EPS8L3: variants seen among roughly 807,000 people sequenced by gnomAD.
EPS8L3 encodes epidermal growth factor receptor kinase substrate 8-like protein 3.
Under a neutral mutation model 88.5 loss-of-function variants are expected in EPS8L3, and 80 were observed. That is an observed-to-expected ratio of 0.90 (90% CI 0.75 to 1.09). EPS8L3 has a LOEUF of 1.09. EPS8L3 is among the 50% of genes least tolerant of loss of function. EPS8L3 has a pLI of 0.00. For synonymous variants in EPS8L3, 286 were observed against 291.0 expected (o/e 0.98, Z 0.18); for missense variants, 721 against 735.2 (o/e 0.98, Z 0.22).
chr1:109,759,668 G>T lies in EPS8L3; in HGVS notation c.255+10C>A. 1 of 1,612,724 alleles carries T rather than the reference G, an allele frequency of 6.2e-7. No homozygotes were observed. Among genetic ancestry groups the T allele is most frequent in the East Asian group, 2.2e-5 (1 of 44,882 alleles). ...GGCTGGCTATCACTGGGTTTGCTGGGAAGGCTGACCTTGGTCTCAATGTCC... is the reference window on the plus strand; with the variant it reads ...GGCTGGCTATCACTGGGTTTGCTGGTAAGGCTGACCTTGGTCTCAATGTCC... On this transcript the variant is annotated intron_variant, in intron 4 of 18. Transcript: ENST00000361965. The surrounding 1 kb of genome is among the most constrained non-coding windows in gnomAD (Gnocchi z 4.2).
intron 12 of EPS8L3, among the ~76,000 whole-genome samples, chr1:109,756,543 GT>G (rs35362437): frequency 6.6e-6 from 1 of 152,018 alleles, no homozygotes; most frequent in Non-Finnish European, 1.5e-5. Context: ...GCCCTGTTAG[GT>G]TTTTTTGTCC....
chr1:109,753,091 AG>A (rs1191396001), intron 13 of EPS8L3, 25 bp downstream of exon 13: 1 of 1,588,050 alleles, frequency 6.3e-7, no homozygotes, highest in Non-Finnish European at 8.6e-7. Context: ...GGCTGTGGGT[AG>A]GGCTCTATGC....
chr1:109,752,657 A>G, intron 14 of EPS8L3, 29 bp downstream of exon 14: 6 of 1,548,078 alleles, frequency 3.9e-6, no homozygotes, highest in Non-Finnish European at 5.2e-6. Flanking sequence ...CCCCAGGACC[A>G]CGCAGTCCCT....
intron 3 of EPS8L3, 28 bp downstream of exon 3, chr1:109,761,467 A>G (rs1225630788): frequency 7.5e-6 from 12 of 1,592,446 alleles, no homozygotes; most frequent in East Asian, 2.3e-5. Context: ...TTAGTTGGAC[A>G]CTGCCCGGGG....
Position 109,761,517 on chromosome 1 carries a change from G to T in EPS8L3, c.74C>A (p.Thr25Asn). The change falls in exon 3 of 19, where the codon ACC (threonine) becomes AAC (asparagine). Residue 25 changes from threonine (T) to asparagine (N), a missense_variant. Transcript: ENST00000361965. ...EYSQNLTSEP[T>N]LLQHRVEHLM... ...CACCTCCACCCTGTGCTGCAGGAGG[G>T]TGGGCTCTGAGGTGAGGTTCTGGGA... 1.2e-6 allele frequency: 2 copies of T among 1,613,372 alleles called. No individual in the cohort carries two copies. Among genetic ancestry groups the T allele is most frequent in the Non-Finnish European group, 1.7e-6 (2 of 1,179,554 alleles).
At chr1:109,751,396 AG>A (rs765125589) in intron 16 of EPS8L3, 45 bp from the exon 17 acceptor site, 2 of 1,567,968 alleles carry the variant, frequency 1.3e-6, no homozygotes, top group Non-Finnish European at 1.8e-6. Context: ...CTCATCTCAC[AG>A]CCAACCACAG....
At chr1:109,755,378 G>A (rs540310204) in intron 12 of EPS8L3, among the ~76,000 whole-genome samples, 1 of 152,146 alleles carries the variant, frequency 6.6e-6, no homozygotes, top group South Asian at 2.1e-4. Context: ...CACTTAAAAC[G>A]GTTAAAATGA....
At position 109,757,545 on chromosome 1, in the gene EPS8L3, G is replaced by A. The variant is rs1472229946; in HGVS notation, c.905C>T (p.Ala302Val). ...KHSFNLLGRL[A>V]TWLKETSAPE... is the part of the protein sequence containing the mutation. ...GGCACTTGTCTCCTTCAGCCAGGTGGCCAGCCTTCCCTGGGGACACAGAGC... is the reference window on the plus strand; with the variant it reads ...GGCACTTGTCTCCTTCAGCCAGGTGACCAGCCTTCCCTGGGGACACAGAGC... Residue 302 changes from alanine (A) to valine (V), a missense_variant, in exon 11 of 19, where the codon GCC (alanine) becomes GTC (valine). By Grantham distance (64) the Ala-to-Val change is moderately conservative. Coordinates refer to ENST00000361965, the MANE Select transcript of EPS8L3 (RefSeq NM_133181.4). 1 of 1,613,838 alleles carries A rather than the reference G, an allele frequency of 6.2e-7. No homozygotes were observed. Among genetic ancestry groups the A allele is most frequent in the Non-Finnish European group, 8.5e-7 (1 of 1,179,834 alleles).
intron 10 of EPS8L3, 52 bp downstream of exon 10, chr1:109,757,750 G>A (rs1650430446): frequency 6.4e-7 from 1 of 1,562,530 alleles, no homozygotes; most frequent in African/African-American, 1.4e-5. Flanking sequence ...GAGGATTACT[G>A]GGGAGGAAGG....
At chr1:109,762,299 G>T (rs1336222201) in intron 1 of EPS8L3, among the ~76,000 whole-genome samples, 1 of 152,112 alleles carries the variant, frequency 6.6e-6, no homozygotes, top group African/African-American at 2.4e-5. Flanking sequence ...TGTACTTATG[G>T]TGGCACTGCA....
At chr1:109,753,437 G>A (rs928869891) in intron 12 of EPS8L3, among the ~76,000 whole-genome samples, 1 of 152,202 alleles carries the variant, frequency 6.6e-6, no homozygotes, top group African/African-American at 2.4e-5. Context: ...TGCCCATGAG[G>A]TAAAGATACA....
At chr1:109,762,143 G>A (rs2101543472) in intron 1 of EPS8L3, among the ~76,000 whole-genome samples, 1 of 152,282 alleles carries the variant, frequency 6.6e-6, no homozygotes, top group South Asian at 2.1e-4. Flanking sequence ...GGGTATGAAA[G>A]ATGCTGGATG....
chr1:109,759,768 G>A lies in EPS8L3; in HGVS notation c.165C>T (p.Phe55=), dbSNP rs1451563967. 9.3e-6 allele frequency: 15 copies of A among 1,614,112 alleles called. 1 individual carries two copies. The Admixed American group carries it at 1.2e-4, about 13-fold the overall frequency. Residue 55 remains phenylalanine (F), a synonymous_variant, in exon 4 of 19, where the codon TTC becomes TTT. Coordinates refer to ENST00000361965, the MANE Select transcript of EPS8L3 (RefSeq NM_133181.4). This position sits in a 1 kb window ranked among gnomAD's most constrained non-coding sequence, Gnocchi z 4.2. ...ACACCCGGCCCTGTGCATCCATCTCGAACAGCTTCTGCAAGGCATCCTCGG... is the reference window on the plus strand; with the variant it reads ...ACACCCGGCCCTGTGCATCCATCTCAAACAGCTTCTGCAAGGCATCCTCGG... ...QGPEDALQKL[F]EMDAQGRVWS...
Position 109,750,766 on chromosome 1 carries a change from G to A in EPS8L3, c.1664C>T (p.Thr555Met), listed in dbSNP as rs145677992. Residue 555 changes from threonine to methionine, a missense_variant, in exon 18 of 19, where the codon ACG becomes ATG. Thr to Met is a moderately conservative substitution (Grantham distance 81). Transcript: ENST00000361965. ...TATVRTLGSLTGSQLLRIRPG... is the reference protein window; with the variant it reads ...TATVRTLGSLMGSQLLRIRPG... ...TCTTATGCGAAGTAGCTGGCTCCCC[G>A]TCAGGGACCCAAGTGTCCTCACCGT... 3.6e-4 allele frequency: 589 copies of A among 1,614,144 alleles called. No individual in the cohort carries two copies. In the East Asian group the frequency reaches 4.6e-3, roughly 13 times the overall value.
In EPS8L3 at chr1:109,759,754, T is replaced by C. The variant is rs769091542; in HGVS notation, c.179A>G (p.Gln60Arg). ...ALQKLFEMDA[Q>R]GRVWSQDLIL... Reference sequence around the variant, plus strand: ...CAAGTCTTGGCTCCACACCCGGCCCTGTGCATCCATCTCGAACAGCTTCTG... The same window carrying C: ...CAAGTCTTGGCTCCACACCCGGCCCCGTGCATCCATCTCGAACAGCTTCTG... The change falls in exon 4 of 19, where the codon CAG (glutamine) becomes CGG (arginine). Residue 60 changes from glutamine to arginine, a missense_variant. Gln to Arg is a conservative substitution (Grantham distance 43). Transcript: ENST00000361965. The surrounding 1 kb of genome is among the most constrained non-coding windows in gnomAD (Gnocchi z 4.2). 5 of 1,614,110 alleles carry C rather than the reference T, an allele frequency of 3.1e-6. No individual in the cohort carries two copies. The highest frequency in any genetic ancestry group is 4.2e-6 in the Non-Finnish European group (5 of 1,180,014).
chr1:109,759,877 A>G lies in EPS8L3; in HGVS notation c.97-41T>C. On this transcript the variant is annotated intron_variant, in intron 3 of 18. Transcript: ENST00000361965. This position sits in a 1 kb window ranked among gnomAD's most constrained non-coding sequence, Gnocchi z 4.2. Reference sequence around the variant, plus strand: ...GAGTCCTAGGACTGGGAGAAAGCTCAGAGAGGTGGACCACAGGCGTGCTGG... The same window carrying G: ...GAGTCCTAGGACTGGGAGAAAGCTCGGAGAGGTGGACCACAGGCGTGCTGG... The G allele has an allele frequency of 3.7e-6, 6 of 1,604,742 alleles. No homozygotes were observed. The highest frequency in any genetic ancestry group is 5.1e-6 in the Non-Finnish European group (6 of 1,175,276).
In EPS8L3 at chr1:109,758,619, C is replaced by G. The variant is rs1444955647; in HGVS notation, c.506G>C (p.Gly169Ala). ...AGGGAGCGGCCTTTCCATAGCAGGCCCCCTCCATCTGTCCTGGCCTGGCTG... is the reference window on the plus strand; with the variant it reads ...AGGGAGCGGCCTTTCCATAGCAGGCGCCCTCCATCTGTCCTGGCCTGGCTG... ...GLQPGQDRWR[G>A]PAMERPLPME... The change falls in exon 7 of 19, where the codon GGG becomes GCG. Residue 169 changes from glycine (G) to alanine (A), a missense_variant. Gly to Ala is a moderately conservative substitution (Grantham distance 60). Transcript: ENST00000361965. 2 of 1,611,966 alleles carry G rather than the reference C, an allele frequency of 1.2e-6. No homozygotes were observed. Among genetic ancestry groups the G allele is most frequent in the Non-Finnish European group, 1.7e-6 (2 of 1,178,966 alleles).
intron 12 of EPS8L3, among the ~76,000 whole-genome samples, chr1:109,754,257 A>T (rs778709920): frequency 6.6e-6 from 1 of 152,100 alleles, no homozygotes; most frequent in Non-Finnish European, 1.5e-5. Context: ...TACTTTATTG[A>T]AGCTAGTCCA....
chr1:109,752,624 A>G (rs1649909468), intron 14 of EPS8L3, 62 bp downstream of exon 14: 2 of 1,457,730 alleles, frequency 1.4e-6, no homozygotes, highest in Middle Eastern at 1.7e-4. Flanking sequence ...CAGAGATCCA[A>G]AGGAACAGCC....
Sources: gnomAD v4.1 joint callset for allele counts (sites outside exome capture counted in the v4.1 genomes callset) on GRCh38, gnomAD v4.1.1 for gene constraint, Gnocchi (gnomAD v3.1) non-coding constraint, MANE v1.5 for transcripts, NCBI Gene and HGNC (gene_info 2026-07-23, HGNC 2026-07-21) for gene names.